Variants in MCC observed in about 807,000 individuals in gnomAD.
The protein encoded by MCC is colorectal mutant cancer protein.
Under a neutral mutation model 116.2 loss-of-function variants are expected in MCC, and 90 were observed. The observed-to-expected ratio is 0.77, with a 90% CI of 0.65 to 0.92. MCC has a LOEUF of 0.92. Ranked by LOEUF, MCC falls within the 40% of genes least tolerant of loss-of-function variation. The probability of loss-of-function intolerance (pLI) is 0.00; values close to 1 mark genes in which losing one functional copy is unlikely to be tolerated. For missense variants in MCC, 1,516 were observed against 1,312.2 expected (o/e 1.16, Z -2.40); for synonymous variants, 578 against 510.5 (o/e 1.13, Z -1.78).
chr5:113,188,912 T>A (rs1489468972), intron 3 of MCC, among the ~76,000 whole-genome samples: 1 of 152,202 alleles, frequency 6.6e-6, no homozygotes, highest in African/African-American at 2.4e-5. Flanking sequence ...GAAGCCAGTA[T>A]TAGCTAACAT....
chr5:113,275,088 T>C (rs1041962529), intron 3 of MCC, among the ~76,000 whole-genome samples: 1 of 151,958 alleles, frequency 6.6e-6, no homozygotes, highest in Non-Finnish European at 1.5e-5. Flanking sequence ...CCTAAGACCA[T>C]CCTAGCAACC....
intron 2 of MCC, among the ~76,000 whole-genome samples, chr5:113,374,469 T>G (rs947341144): frequency 3.9e-5 from 6 of 152,122 alleles, no homozygotes; most frequent in Middle Eastern, 3.2e-3. Flanking sequence ...GAAGCATTTC[T>G]CAGTCTCTTC....
intron 3 of MCC, among the ~76,000 whole-genome samples, chr5:113,170,980 G>C (rs893978582): frequency 1.6e-4 from 24 of 152,054 alleles, no homozygotes; most frequent in African/African-American, 5.8e-4. Flanking sequence ...CCGAGTACAT[G>C]CGTCCCTAAA....
chr5:113,168,420 C>A (rs1297647314), intron 3 of MCC, among the ~76,000 whole-genome samples: 1 of 152,128 alleles, frequency 6.6e-6, no homozygotes, highest in Non-Finnish European at 1.5e-5. Flanking sequence ...GCACTTCTTT[C>A]CCCCATTACA....
chr5:113,083,094 T>G (rs950366741), intron 10 of MCC, 86 bp from the exon 11 acceptor site: 8 of 1,321,624 alleles, frequency 6.1e-6, no homozygotes, highest in African/African-American at 1.5e-5. Flanking sequence ...AAGCTGATAT[T>G]CCGTGAGAAT....
intron 1 of MCC, among the ~76,000 whole-genome samples, chr5:113,470,862 G>A (rs1772069153): frequency 6.6e-6 from 1 of 152,048 alleles, no homozygotes; most frequent in Admixed American, 6.6e-5. Context: ...CATATTTCTT[G>A]GAGACTTTGT....
At chr5:113,223,136 G>A (rs925847857) in intron 3 of MCC, among the ~76,000 whole-genome samples, 2 of 152,208 alleles carry the variant, frequency 1.3e-5, no homozygotes, top group Non-Finnish European at 2.9e-5. Context: ...GCGGCTTCCA[G>A]TGTGATACAG....
chr5:113,155,989 C>G (rs1009241657), intron 3 of MCC, among the ~76,000 whole-genome samples: 4 of 152,142 alleles, frequency 2.6e-5, no homozygotes, highest in East Asian at 3.9e-4. Context: ...AGGGCACATC[C>G]TTTTTCCTTT....
intron 1 of MCC, among the ~76,000 whole-genome samples, chr5:113,450,054 T>C (rs957090929): frequency 4.6e-5 from 7 of 152,178 alleles, no homozygotes; most frequent in East Asian, 1.9e-4. Flanking sequence ...AAATAATTTA[T>C]TGAATTTTAA....
chr5:113,390,815 T>C (rs1769381335), intron 1 of MCC, among the ~76,000 whole-genome samples: 2 of 152,160 alleles, frequency 1.3e-5, no homozygotes, highest in African/African-American at 2.4e-5. Flanking sequence ...AATTCTCAAC[T>C]AACAGAGACC....
intron 3 of MCC, among the ~76,000 whole-genome samples, chr5:113,300,696 C>CCCCACTCT (rs1766840445): frequency 1.3e-5 from 2 of 152,226 alleles, no homozygotes; most frequent in South Asian, 4.2e-4. Context: ...TATAAGCTCA[C>CCCCACTCT]CCCACTCTCC....
intron 11 of MCC, among the ~76,000 whole-genome samples, chr5:113,076,735 G>C (rs1351969058): frequency 6.6e-6 from 1 of 152,180 alleles, no homozygotes; most frequent in Non-Finnish European, 1.5e-5. Context: ...TCAAGGCTAG[G>C]AAGAAACTGC....
Position 113,041,870 on chromosome 5 carries a change from C to T in MCC, c.2756+1660G>A, listed in dbSNP as rs558305150. Reference sequence around the variant, plus strand: ...AATTAGCCAGGTGTGGTGGCGTGTGCCTGTAGTGCCAGCTAACTTGGGAGG... The same window carrying T: ...AATTAGCCAGGTGTGGTGGCGTGTGTCTGTAGTGCCAGCTAACTTGGGAGG... On this transcript the variant is annotated intron_variant, in intron 17 of 18. Transcript: ENST00000408903. Among the ~76,000 whole-genome samples the T allele has an allele frequency of 1.9e-3, 288 of 152,126 alleles. 6 individuals carry two copies. Among genetic ancestry groups the T allele is most frequent in the African/African-American group, 6.5e-3 (271 of 41,502 alleles).
intron 3 of MCC, among the ~76,000 whole-genome samples, chr5:113,279,147 A>G (rs1765938839): frequency 8.6e-6 from 1 of 116,948 alleles, no homozygotes; most frequent in Admixed American, 1.2e-4. Context: ...TGATCTCAGT[A>G]ACTTCCCAAT....
rs180837893 is a variant in MCC at position 113,131,709 on chromosome 5, C to T, written c.885-8883G>A. Among the ~76,000 whole-genome samples the T allele has an allele frequency of 1.5e-3, 225 of 152,232 alleles. 2 individuals are homozygous for T. Among genetic ancestry groups the T allele is most frequent in the Non-Finnish European group, 2.1e-3 (140 of 68,004 alleles). ...GCTACTGACTTTGCACCACCACAGC[C>T]TGAGGGAGAAAGGTTCCCACCTCCC... On this transcript the variant is annotated intron_variant, in intron 5 of 18. Transcript: ENST00000408903.
At chr5:113,389,072 T>C (rs1561548048) in intron 1 of MCC, among the ~76,000 whole-genome samples, 1 of 152,206 alleles carries the variant, frequency 6.6e-6, no homozygotes, top group East Asian at 1.9e-4. Flanking sequence ...TATCCTTCTA[T>C]GTTACACATG....
In MCC at chr5:113,434,946, C is replaced by G. The variant is rs984929233; in HGVS notation, c.171-49734G>C. 5.0e-6 allele frequency: 7 copies of G among 1,402,860 alleles called. No individual in the cohort carries two copies. The highest frequency in any genetic ancestry group is 6.7e-6 in the Non-Finnish European group (7 of 1,041,070). 86.9% of individuals were successfully genotyped at this position (1,402,860 alleles called of 1,614,324 possible). On this transcript the variant is annotated intron_variant, in intron 1 of 18. Coordinates refer to ENST00000408903, the MANE Select transcript of MCC (RefSeq NM_001085377.2). This position sits in a 1 kb window ranked among gnomAD's most constrained non-coding sequence, Gnocchi z 4.2. ...CTGGATAGAGAGTCCTTTGGGCTGGCCAGGCCTGCTGTTCCTGCCTCCTAG... is the reference window on the plus strand; with the variant it reads ...CTGGATAGAGAGTCCTTTGGGCTGGGCAGGCCTGCTGTTCCTGCCTCCTAG...
intron 3 of MCC, among the ~76,000 whole-genome samples, chr5:113,267,481 A>G (rs1476133252): frequency 6.6e-6 from 1 of 152,216 alleles, no homozygotes; most frequent in Non-Finnish European, 1.5e-5. Flanking sequence ...AGAGGGCAGC[A>G]CTATCATTCC....
chr5:113,046,708 AAAAG>A, intron 16 of MCC, among the ~76,000 whole-genome samples: 1 of 125,070 alleles, frequency 8.0e-6, no homozygotes, highest in Non-Finnish European at 1.7e-5. Context: ...AAAAAAAAAA[AAAAG>A]AGAGAGATTT....
Sources: gnomAD v4.1 joint callset for allele counts (sites outside exome capture counted in the v4.1 genomes callset) on GRCh38, gnomAD v4.1.1 for gene constraint, Gnocchi (gnomAD v3.1) non-coding constraint, MANE v1.5 for transcripts, NCBI Gene and HGNC (gene_info 2026-07-23, HGNC 2026-07-21) for gene names.